ATRNL1: variants seen among roughly 807,000 people sequenced by gnomAD.
ATRNL1 encodes the protein attractin-like protein 1.
In ATRNL1, 95 loss-of-function variants were observed where a neutral mutation model predicts 182.7. The observed-to-expected ratio is 0.52, with a 90% CI of 0.44 to 0.62. ATRNL1 has a LOEUF of 0.62. ATRNL1 is among the 20% of genes least tolerant of loss of function. The pLI is 0.00. For synonymous variants in ATRNL1, 576 were observed against 568.3 expected, an observed-to-expected ratio of 1.01 and a Z score of -0.19; for missense variants, 1,471 against 1,679.5, an observed-to-expected ratio of 0.88 and a Z score of 2.17.
At position 115,241,599 on chromosome 10, in the gene ATRNL1, A is replaced by G; in HGVS notation, c.1561A>G (p.Arg521Gly). 1 of 1,608,724 alleles carries G rather than the reference A, an allele frequency of 6.2e-7. No individual in the cohort carries two copies. Among genetic ancestry groups the G allele is most frequent in the Non-Finnish European group, 8.5e-7 (1 of 1,176,290 alleles). The change falls in exon 10 of 29, where the codon AGA (arginine) becomes GGA (glycine). Residue 521 changes from arginine (R) to glycine (G), a missense_variant. By Grantham distance (125) the Arg-to-Gly change is moderately radical. Transcript: ENST00000355044. ...WTILKESGFA[R>G]YLHSAVLING... The stretch of plus-strand genomic sequence containing the variant: ...TATTTTGAAAGAAAGTGGGTTTGCC[A>G]GATACCTTCATTCAGCTGTTCTTAT...
chr10:115,602,793 G>A (rs1856674592), intron 26 of ATRNL1, among the ~76,000 whole-genome samples: 1 of 150,992 alleles, frequency 6.6e-6, no homozygotes, highest in African/African-American at 2.4e-5. Flanking sequence ...GGCGAAGTTT[G>A]CAGTGAGCAG....
At chr10:115,336,479 G>C (rs557521754) in intron 19 of ATRNL1, among the ~76,000 whole-genome samples, 48 of 152,216 alleles carry the variant, frequency 3.2e-4, no homozygotes, top group African/African-American at 1.2e-3. Context: ...CATTTTATTG[G>C]AGAAAGTGCA....
chr10:115,784,014 A>AAAC (rs375974930), intron 27 of ATRNL1, among the ~76,000 whole-genome samples: 11 of 152,204 alleles, frequency 7.2e-5, no homozygotes, highest in East Asian at 3.9e-4. Context: ...TCCATCCCAA[A>AAAC]AACAACAACA....
chr10:115,738,809 G>A (rs781577318), intron 27 of ATRNL1, among the ~76,000 whole-genome samples: 15 of 151,974 alleles, frequency 9.9e-5, no homozygotes, highest in Non-Finnish European at 1.6e-4. Flanking sequence ...ATGGTTTTAA[G>A]TTAATATAAT....
At chr10:115,254,549 T>C (rs1851031804) in intron 10 of ATRNL1, among the ~76,000 whole-genome samples, 1 of 152,184 alleles carries the variant, frequency 6.6e-6, no homozygotes, top group Admixed American at 6.5e-5. Flanking sequence ...CTTTGTCAGA[T>C]GGGTAGATTG....
intron 26 of ATRNL1, among the ~76,000 whole-genome samples, chr10:115,557,014 A>G (rs578124241): frequency 1.3e-5 from 2 of 151,982 alleles, no homozygotes; most frequent in Non-Finnish European, 2.9e-5. Context: ...ATGTTCTAAT[A>G]TGCACTATTG....
At chr10:115,823,978 T>C (rs1208947219) in intron 27 of ATRNL1, among the ~76,000 whole-genome samples, 3 of 152,168 alleles carry the variant, frequency 2.0e-5, no homozygotes, top group Non-Finnish European at 4.4e-5. Flanking sequence ...AAGACAATCC[T>C]AGTCAAAAAG....
At chr10:115,391,930 C>T (rs1449365099) in intron 19 of ATRNL1, among the ~76,000 whole-genome samples, 1 of 151,866 alleles carries the variant, frequency 6.6e-6, no homozygotes, top group Non-Finnish European at 1.5e-5. Context: ...TCTTCATTTG[C>T]TAATGGCAAG....
intron 27 of ATRNL1, among the ~76,000 whole-genome samples, chr10:115,785,185 T>C (rs1555080121): frequency 6.6e-6 from 1 of 152,172 alleles, no homozygotes; most frequent in Non-Finnish European, 1.5e-5. Context: ...CAAAATACAA[T>C]GATGACAGAG....
chr10:115,596,052 A>G, intron 26 of ATRNL1, among the ~76,000 whole-genome samples: 1 of 152,152 alleles, frequency 6.6e-6, no homozygotes, highest in East Asian at 1.9e-4. Flanking sequence ...AAAGTTACAT[A>G]ATGGTTTGTA....
intron 10 of ATRNL1, among the ~76,000 whole-genome samples, chr10:115,243,173 C>T (rs1554903357): frequency 6.6e-6 from 1 of 152,030 alleles, no homozygotes; most frequent in African/African-American, 2.4e-5. Flanking sequence ...GCAAAAGGTT[C>T]TTCAAGGAGC....
At chr10:115,784,819 C>T (rs144584195) in intron 27 of ATRNL1, among the ~76,000 whole-genome samples, 9 of 152,238 alleles carry the variant, frequency 5.9e-5, no homozygotes, top group African/African-American at 1.4e-4. Flanking sequence ...TAATCCAATA[C>T]GACCTCATTT....
chr10:115,806,120 A>T (rs1555085607), intron 27 of ATRNL1, among the ~76,000 whole-genome samples: 1 of 152,184 alleles, frequency 6.6e-6, no homozygotes, highest in Non-Finnish European at 1.5e-5. Context: ...GAACTTACTT[A>T]AACTTCAGTA....
chr10:115,629,142 A>G (rs972652953), intron 26 of ATRNL1, among the ~76,000 whole-genome samples: 9 of 152,198 alleles, frequency 5.9e-5, no homozygotes, highest in Admixed American at 3.3e-4. Flanking sequence ...TAAATGATTA[A>G]TCTGGAATTT....
chr10:115,855,724 G>A (rs1951164856), intron 28 of ATRNL1, among the ~76,000 whole-genome samples: 1 of 152,152 alleles, frequency 6.6e-6, no homozygotes, highest in Non-Finnish European at 1.5e-5. Context: ...GATGGATCAA[G>A]CTACATATCT....
chr10:115,193,957 G>A (rs1424041036), intron 8 of ATRNL1, among the ~76,000 whole-genome samples: 6 of 151,706 alleles, frequency 4.0e-5, no homozygotes, highest in East Asian at 1.9e-4. Flanking sequence ...TTCATTGACC[G>A]AAGTGGTTTT....
At chr10:115,831,253 C>T (rs1430745296) in intron 27 of ATRNL1, among the ~76,000 whole-genome samples, 4 of 152,066 alleles carry the variant, frequency 2.6e-5, no homozygotes, top group African/African-American at 7.2e-5. Context: ...GGCCTGTTCA[C>T]GCCCCTCTCC....
intron 25 of ATRNL1, among the ~76,000 whole-genome samples, chr10:115,542,008 C>T (rs1852386642): frequency 6.6e-6 from 1 of 152,056 alleles, no homozygotes; most frequent in Non-Finnish European, 1.5e-5. Flanking sequence ...AAAAGATGTG[C>T]TTCAAAAAAC....
intron 28 of ATRNL1, among the ~76,000 whole-genome samples, chr10:115,906,383 G>A (rs886736733): frequency 7.9e-5 from 12 of 152,140 alleles, no homozygotes; most frequent in African/African-American, 2.6e-4. Context: ...TTGTAAAATG[G>A]GAATGATTAT....
Sources: allele counts gnomAD v4.1 joint callset (sites outside exome capture counted in the v4.1 genomes callset), GRCh38; gene constraint gnomAD v4.1.1; transcripts MANE v1.5; gene names NCBI Gene and HGNC (gene_info 2026-07-23, HGNC 2026-07-21).